Variants in PCDH15 observed in about 807,000 individuals in gnomAD.
PCDH15 encodes the protein protocadherin-15.
A neutral mutation model predicts 178.5 loss-of-function variants in PCDH15; 129 were observed. The observed-to-expected ratio is 0.72, with a 90% CI of 0.63 to 0.84. The LOEUF (loss-of-function observed/expected upper bound fraction) is 0.84, where lower values mean the gene tolerates loss of function less well. Ranked by LOEUF, PCDH15 falls within the 40% of genes least tolerant of loss-of-function variation. The pLI is 0.00. For missense variants in PCDH15, 2,230 were observed against 2,099.9 expected (o/e 1.06, Z -1.21); for synonymous variants, 800 against 732.0 (o/e 1.09, Z -1.50).
chr10:54,955,431 C>T (rs1450644690), intron 2 of PCDH15, among the ~76,000 whole-genome samples: 1 of 151,168 alleles, frequency 6.6e-6, no homozygotes, highest in Non-Finnish European at 1.5e-5. Context: ...GTTTTGTTTA[C>T]CTACAATTTC....
chr10:54,764,426 T>C (rs547946511), intron 1 of PCDH15, among the ~76,000 whole-genome samples: 2 of 152,094 alleles, frequency 1.3e-5, no homozygotes, highest in East Asian at 3.9e-4. Context: ...GTGTTTAGGG[T>C]AGAAAATATA....
intron 3 of PCDH15, among the ~76,000 whole-genome samples, chr10:54,843,014 TCTC>T (rs1164210105): frequency 1.3e-5 from 2 of 151,938 alleles, no homozygotes; most frequent in Non-Finnish European, 2.9e-5. Context: ...ATATAGTCCA[TCTC>T]CAGCTTATAC....
chr10:55,133,602 C>T (rs1275067422), intron 2 of PCDH15, among the ~76,000 whole-genome samples: 1 of 152,122 alleles, frequency 6.6e-6, no homozygotes, highest in African/African-American at 2.4e-5. Context: ...TTATGCCCCA[C>T]CTCCTTTCAC....
chr10:54,252,119 T>A (rs1372515663), intron 8 of PCDH15, among the ~76,000 whole-genome samples: 2 of 152,086 alleles, frequency 1.3e-5, no homozygotes, highest in African/African-American at 2.4e-5. Context: ...GAGGTAGAAA[T>A]CTCTCCTTTA....
At chr10:54,118,379 G>A (rs181106200) in intron 15 of PCDH15, among the ~76,000 whole-genome samples, 35 of 152,230 alleles carry the variant, frequency 2.3e-4, no homozygotes, top group Admixed American at 8.5e-4. Context: ...AAAGTAACCC[G>A]GCTGGGTGTG....
chr10:53,848,688 T>A (rs2078138422), intron 28 of PCDH15, among the ~76,000 whole-genome samples: 1 of 152,028 alleles, frequency 6.6e-6, no homozygotes, highest in Non-Finnish European at 1.5e-5. Flanking sequence ...TTCTCCATCA[T>A]AAGTTGATAA....
At position 55,039,810 on chromosome 10, in the gene PCDH15, G is replaced by T. The variant is rs368523379; in HGVS notation, c.-80+126766C>A. Among the ~76,000 whole-genome samples the T allele has an allele frequency of 4.6e-5, 7 of 152,092 alleles. No homozygotes were observed. In the East Asian group the frequency reaches 1.4e-3, roughly 29 times the overall value. Reference sequence around the variant, plus strand: ...GTTTATAAATGATTTAGTAAATTACGCCAATTCCTTAGTTAGAATGAAGTG... The same window carrying T: ...GTTTATAAATGATTTAGTAAATTACTCCAATTCCTTAGTTAGAATGAAGTG... On this transcript the variant is annotated intron_variant, in intron 2 of 5. Transcript: ENST00000458638.
intron 1 of PCDH15, among the ~76,000 whole-genome samples, chr10:54,782,421 G>A (rs543415920): frequency 1.3e-5 from 2 of 152,054 alleles, no homozygotes; most frequent in Non-Finnish European, 1.5e-5. Context: ...CAATGCTATT[G>A]TTTTCCTGTC....
chr10:54,001,932 C>A (rs1376606302), intron 20 of PCDH15, among the ~76,000 whole-genome samples: 3 of 151,500 alleles, frequency 2.0e-5, no homozygotes, highest in Non-Finnish European at 4.4e-5. Flanking sequence ...TCTGCAATTA[C>A]AGGAAACAAA....
intron 3 of PCDH15, among the ~76,000 whole-genome samples, chr10:54,840,319 G>C (rs529539720): frequency 1.3e-5 from 2 of 152,006 alleles, no homozygotes; most frequent in East Asian, 3.9e-4. Flanking sequence ...GTCTGGGTGG[G>C]AGATGTAAAA....
At chr10:53,898,350 G>C (rs2593119) in intron 26 of PCDH15, among the ~76,000 whole-genome samples, 112,771 of 152,054 alleles carry the variant, frequency 0.74, 42,280 homozygotes, top group East Asian at 1. Context: ...CAAGTCTTTG[G>C]TTTCAATTAT....
chr10:53,983,232 TTGTGTG>T (rs753844738), intron 21 of PCDH15, among the ~76,000 whole-genome samples: 1 of 149,156 alleles, frequency 6.7e-6, no homozygotes, highest in African/African-American at 2.5e-5. Flanking sequence ...GTGTGTGTGT[TTGTGTG>T]TGTGTGTGTG....
intron 3 of PCDH15, among the ~76,000 whole-genome samples, chr10:54,837,384 T>C (rs768251551): frequency 2.0e-5 from 3 of 151,992 alleles, no homozygotes; most frequent in African/African-American, 4.8e-5. Context: ...ACTGCGCCAA[T>C]TGCAAAACTA....
At chr10:54,353,920 T>C (rs1944556689) in intron 5 of PCDH15, among the ~76,000 whole-genome samples, 1 of 152,202 alleles carries the variant, frequency 6.6e-6, no homozygotes, top group Non-Finnish European at 1.5e-5. Context: ...ACTCTATCTT[T>C]ACTAAAAACT....
intron 1 of PCDH15, among the ~76,000 whole-genome samples, chr10:54,733,424 G>T (rs954591562): frequency 1.3e-5 from 2 of 151,398 alleles, no homozygotes; most frequent in Non-Finnish European, 3.0e-5. Flanking sequence ...GTATATGCAT[G>T]ATCTATATTC....
intron 11 of PCDH15, 55 bp from the exon 12 acceptor site, chr10:54,185,323 T>C: frequency 6.3e-7 from 1 of 1,595,316 alleles, no homozygotes; most frequent in Non-Finnish European, 8.6e-7. Context: ...TAGCTATTAG[T>C]TCATTACCTA....
chr10:55,620,849 C>G (rs1028050148), intron 2 of PCDH15, among the ~76,000 whole-genome samples: 7 of 151,378 alleles, frequency 4.6e-5, no homozygotes, highest in African/African-American at 1.7e-4. Context: ...AAATACAACT[C>G]AAATGATATC....
chr10:55,551,463 C>T (rs985041792), intron 2 of PCDH15, among the ~76,000 whole-genome samples: 2 of 151,758 alleles, frequency 1.3e-5, no homozygotes, highest in Non-Finnish European at 3.0e-5. Context: ...ATCTTTCAGT[C>T]TGGTAATAAG....
chr10:54,851,700 T>G (rs1243922294), intron 3 of PCDH15, among the ~76,000 whole-genome samples: 1 of 152,140 alleles, frequency 6.6e-6, no homozygotes, highest in Non-Finnish European at 1.5e-5. Context: ...CTTCAAGCAA[T>G]TCTCCTGCCT....
Sources: allele counts gnomAD v4.1 joint callset (sites outside exome capture counted in the v4.1 genomes callset), GRCh38; gene constraint gnomAD v4.1.1; transcripts MANE v1.5; gene names NCBI Gene and HGNC (gene_info 2026-07-23, HGNC 2026-07-21).